Variants in CNGB1 observed in about 807,000 individuals in gnomAD.
CNGB1 encodes cyclic nucleotide-gated channel beta-1.
A neutral mutation model predicts 151.7 loss-of-function variants in CNGB1; 126 were observed. The ratio of observed to expected loss-of-function variants is 0.83; its 90% confidence interval spans 0.72 to 0.96. The LOEUF (loss-of-function observed/expected upper bound fraction) is 0.96. CNGB1 is among the 40% of genes least tolerant of loss of function. The pLI is 0.00. For missense variants in CNGB1, 1,698 were observed against 1,627.0 expected (o/e 1.04, Z -0.75); for synonymous variants, 623 against 635.1 (o/e 0.98, Z 0.29).
intron 27 of CNGB1, among the ~76,000 whole-genome samples, chr16:57,902,066 TTTGTTG>T (rs370176455): frequency 1.3e-5 from 2 of 150,660 alleles, no homozygotes; most frequent in Non-Finnish European, 1.5e-5. Context: ...TATTTATGTT[TTTGTTG>T]TTGTTGTTGT....
chr16:57,890,616 G>C (rs961829597), intron 31 of CNGB1, among the ~76,000 whole-genome samples: 1 of 152,216 alleles, frequency 6.6e-6, no homozygotes. Context: ...AATCAGCCTG[G>C]AGCAAGTGAC....
chr16:57,909,299 G>A (rs1960642806), intron 25 of CNGB1, among the ~76,000 whole-genome samples: 1 of 152,116 alleles, frequency 6.6e-6, no homozygotes, highest in Admixed American at 6.6e-5. Context: ...AATAATGGAG[G>A]TGGCATATAT....
In CNGB1 at chr16:57,897,485, T is replaced by C. The variant is rs751034406; in HGVS notation, c.3154A>G (p.Thr1052Ala). The C allele has an allele frequency of 6.2e-7, 1 of 1,614,186 alleles. No homozygotes were observed. Among genetic ancestry groups the C allele is most frequent in the South Asian group, 1.1e-5 (1 of 91,082 alleles). Reference protein sequence around the residue: ...RTANVVAHGFTNLFILDKKDL... With the variant: ...RTANVVAHGFANLFILDKKDL... Reference sequence around the variant, plus strand: ...TTCTTATCCAGGATGAAGAGGTTGGTAAACCCGTGCGCCACCACGTTGGCC... The same window carrying C: ...TTCTTATCCAGGATGAAGAGGTTGGCAAACCCGTGCGCCACCACGTTGGCC... Residue 1052 changes from threonine to alanine, a missense_variant, in exon 31 of 33, where the codon ACC becomes GCC. By Grantham distance (58) the Thr-to-Ala change is moderately conservative. Transcript: ENST00000251102.
chr16:57,901,488 C>G, intron 28 of CNGB1, 40 bp downstream of exon 28: 1 of 1,611,802 alleles, frequency 6.2e-7, no homozygotes, highest in Non-Finnish European at 8.5e-7. Flanking sequence ...GGGCTTGGAG[C>G]CTCCCACAGC....
At chr16:57,932,737 C>T (rs560327198) in intron 16 of CNGB1, among the ~76,000 whole-genome samples, 2 of 152,002 alleles carry the variant, frequency 1.3e-5, no homozygotes, top group African/African-American at 2.4e-5. Context: ...CCTGCCACCA[C>T]GCCCGGCTAA....
chr16:57,954,762 G>C (rs1260115541), intron 12 of CNGB1: 43 of 969,552 alleles, frequency 4.4e-5, no homozygotes, highest in Non-Finnish European at 5.3e-5. Flanking sequence ...AGGAGAGAGT[G>C]TGGCCAGGCC....
At chr16:57,888,109 G>C (rs762303235) in intron 31 of CNGB1, 35 bp from the exon 32 acceptor site, 13 of 1,593,836 alleles carry the variant, frequency 8.2e-6, no homozygotes, top group Non-Finnish European at 1.1e-5. Flanking sequence ...CATCACAGAC[G>C]CACTCTGGGG....
intron 31 of CNGB1, among the ~76,000 whole-genome samples, chr16:57,892,336 C>T (rs16959474): frequency 0.019 from 2,927 of 152,224 alleles, 87 homozygotes; most frequent in East Asian, 0.12. Context: ...CACTCTACCT[C>T]CCTGTCCCTG....
At chr16:57,898,808 G>A (rs1437013948) in intron 29 of CNGB1, among the ~76,000 whole-genome samples, 2 of 152,202 alleles carry the variant, frequency 1.3e-5, no homozygotes, top group African/African-American at 4.8e-5. Flanking sequence ...AACCCAGACA[G>A]TCTGGTTCCA....
chr16:57,907,368 C>T (rs1960582978), intron 25 of CNGB1, among the ~76,000 whole-genome samples: 1 of 151,810 alleles, frequency 6.6e-6, no homozygotes, highest in Admixed American at 6.6e-5. Flanking sequence ...CCAACATATG[C>T]TCAAATTTTA....
chr16:57,960,718 G>A, intron 8 of CNGB1, 122 bp downstream of exon 8: 1 of 1,302,370 alleles, frequency 7.7e-7, no homozygotes, highest in African/African-American at 1.5e-5. Context: ...CCAAAGTGGG[G>A]CATCGCCCCC....
intron 17 of CNGB1, among the ~76,000 whole-genome samples, chr16:57,924,876 T>C (rs1413997278): frequency 6.6e-6 from 1 of 152,206 alleles, no homozygotes. Context: ...TGAGAGCCTG[T>C]TTCTTTTGCC....
intron 7 of CNGB1, 80 bp downstream of exon 7, chr16:57,962,485 G>C (rs1180652115): frequency 2.3e-6 from 3 of 1,303,282 alleles, no homozygotes; most frequent in Non-Finnish European, 3.3e-6. Flanking sequence ...GGTGGTAACA[G>C]ACCCTGCTCC....
chr16:57,916,748 G>A (rs142118155), intron 21 of CNGB1, among the ~76,000 whole-genome samples: 3,436 of 152,222 alleles, frequency 0.023, 53 homozygotes, highest in Middle Eastern at 0.054. Context: ...CACGGGGCTG[G>A]ACCAGAGGCC....
rs1410699974 is a variant in CNGB1 at position 57,959,994 on chromosome 16, T to A, written c.655A>T (p.Ile219Phe). 6 of 1,587,518 alleles carry A rather than the reference T, an allele frequency of 3.8e-6. No homozygotes were observed. Among genetic ancestry groups the A allele is most frequent in the South Asian group, 1.1e-5 (1 of 87,190 alleles). ...GGTTCCTCCTTGGGCTGCAGGGGGATGGGTGTGGGCAGGGAGGGGGTCTCC... is the reference window on the plus strand; with the variant it reads ...GGTTCCTCCTTGGGCTGCAGGGGGAAGGGTGTGGGCAGGGAGGGGGTCTCC... ...ARETPSLPTPIPLQPKEEPKE... is the reference protein window; with the variant it reads ...ARETPSLPTPFPLQPKEEPKE... The change falls in exon 10 of 33, where the codon ATC becomes TTC. Residue 219 changes from isoleucine (I) to phenylalanine (F), a missense_variant. Ile to Phe is a conservative substitution (Grantham distance 21). Coordinates refer to ENST00000251102, the MANE Select transcript of CNGB1 (RefSeq NM_001297.5).
chr16:57,950,761 C>G (rs546586628), intron 12 of CNGB1, among the ~76,000 whole-genome samples: 1 of 152,224 alleles, frequency 6.6e-6, no homozygotes, highest in Admixed American at 6.5e-5. Context: ...CCATTATTTT[C>G]CCCCCTTCTC....
chr16:57,903,404 A>G (rs1179211824), intron 27 of CNGB1, among the ~76,000 whole-genome samples: 10 of 152,102 alleles, frequency 6.6e-5, no homozygotes, highest in African/African-American at 2.4e-4. Context: ...AGGTAGGAGA[A>G]TCGCTTGAAC....
At position 57,967,249 on chromosome 16, in the gene CNGB1, G is replaced by A; in HGVS notation, c.38C>T (p.Pro13Leu). 1 of 1,614,136 alleles carries A rather than the reference G, an allele frequency of 6.2e-7. No homozygotes were observed. Among genetic ancestry groups the A allele is most frequent in the South Asian group, 1.1e-5 (1 of 91,076 alleles). ...GWVQRVLPQP[P>L]GTPRKTKMQE... ...CATCTTGGTCTTCCGAGGGGTCCCT[G>A]GGGGCTGAGGCAGCACCCTCTGGAC... The change falls in exon 2 of 33, where the codon CCA becomes CTA. Residue 13 changes from proline to leucine, a missense_variant. Physicochemically the swap from Pro to Leu is moderately conservative, Grantham distance 98. Transcript: ENST00000251102.
chr16:57,886,959 C>A (rs572729963), intron 32 of CNGB1, among the ~76,000 whole-genome samples: 1 of 152,126 alleles, frequency 6.6e-6, no homozygotes, highest in Non-Finnish European at 1.5e-5. Flanking sequence ...ACTGCAGTCT[C>A]GACTTCCTGG....
Sources: gnomAD v4.1 joint callset for allele counts (sites outside exome capture counted in the v4.1 genomes callset) on GRCh38, gnomAD v4.1.1 for gene constraint, MANE v1.5 for transcripts, NCBI Gene and HGNC (gene_info 2026-07-23, HGNC 2026-07-21) for gene names.